UBR4: variants seen among roughly 807,000 people sequenced by gnomAD.
UBR4 encodes E3 ubiquitin-protein ligase UBR4.
In UBR4, 124 loss-of-function variants were observed where a neutral mutation model predicts 575.6. The observed-to-expected ratio is 0.22, with a 90% CI of 0.19 to 0.25. The LOEUF (loss-of-function observed/expected upper bound fraction) is 0.25, where lower values mean the gene tolerates loss of function less well. Ranked by LOEUF, UBR4 falls within the 10% of genes least tolerant of loss-of-function variation. UBR4 has a pLI of 1.00. For synonymous variants in UBR4, 2,455 were observed against 2,473.7 expected (o/e 0.99, Z 0.22); for missense variants, 4,818 against 6,478.8 (o/e 0.74, Z 8.80).
chr1:19,185,618 G>T lies in UBR4; in HGVS notation c.1751-332C>A, dbSNP rs1463678845. ...AGAGGGAGTCTCGCTCTGTCACCCA[G>T]GCTGGAGTGCAGTGGTGCAATATTG... On this transcript the variant is annotated intron_variant, in intron 14 of 105. Coordinates refer to ENST00000375254, the MANE Select transcript of UBR4 (RefSeq NM_020765.3). 1.2e-4 allele frequency among the ~76,000 whole-genome samples: 17 copies of T among 147,218 alleles called. No homozygotes were observed. The East Asian group carries it at 3.0e-3, about 26-fold the overall frequency.
rs771866858 is a variant in UBR4, at chr1:19,120,249, C to T, written c.10241G>A (p.Cys3414Tyr). 4 of 1,614,054 alleles carry T rather than the reference C, an allele frequency of 2.5e-6. No individual in the cohort carries two copies. ...DKETLIQFLRCFLLESNSSSV... is the reference protein window; with the variant it reads ...DKETLIQFLRYFLLESNSSSV... ...GGAAGAATTGGACTCTAACAGGAAA[C>T]AACGCAGGAACTGGATCAGGGTTTC... The change falls in exon 69 of 106, where the codon TGT (cysteine) becomes TAT (tyrosine). Residue 3414 changes from cysteine to tyrosine, a missense_variant. Physicochemically the swap from Cys to Tyr is radical, Grantham distance 194. Transcript: ENST00000375254.
intron 87 of UBR4, among the ~76,000 whole-genome samples, chr1:19,103,000 C>T (rs1165806814): frequency 6.6e-6 from 1 of 152,198 alleles, no homozygotes; most frequent in African/African-American, 2.4e-5. Flanking sequence ...TCCTGAGGCT[C>T]AGAACTGGGA....
chr1:19,162,191 T>G (rs535170917), intron 35 of UBR4, among the ~76,000 whole-genome samples: 3 of 152,326 alleles, frequency 2.0e-5, no homozygotes, highest in African/African-American at 7.2e-5. Flanking sequence ...AATTAAAGAC[T>G]GACAAAGCAG....
chr1:19,192,277 C>G lies in UBR4; in HGVS notation c.1305G>C (p.Glu435Asp), dbSNP rs2092145356. The G allele has an allele frequency of 1.2e-6, 2 of 1,614,058 alleles. No individual in the cohort carries two copies. Among genetic ancestry groups the G allele is most frequent in the Non-Finnish European group, 1.7e-6 (2 of 1,180,042 alleles). Reference protein sequence around the residue: ...SPTALADKGKEKDPLAALRVR... With the variant: ...SPTALADKGKDKDPLAALRVR... ...CTCGGAGGGCAGCCAGTGGGTCCTT[C>G]TCTTTCCCCTTATCAGCCAACGCAG... The change falls in exon 11 of 106, where the codon GAG (glutamate) becomes GAC (aspartate). Residue 435 changes from glutamate to aspartate, a missense_variant. Physicochemically the swap from Glu to Asp is conservative, Grantham distance 45. Transcript: ENST00000375254.
At chr1:19,205,109 A>G (rs973248723) in intron 1 of UBR4, among the ~76,000 whole-genome samples, 1 of 152,228 alleles carries the variant, frequency 6.6e-6, no homozygotes, top group African/African-American at 2.4e-5. Flanking sequence ...ATGAACTGCA[A>G]CAACAGCACC....
chr1:19,201,927 TCA>T, intron 1 of UBR4, 112 bp from the exon 2 acceptor site: 1 of 879,036 alleles, frequency 1.1e-6, no homozygotes, highest in Non-Finnish European at 1.7e-6. Context: ...GATAGTATCA[TCA>T]ACCTATTCCC....
chr1:19,115,019 T>C (rs1028343293), intron 74 of UBR4, 70 bp from the exon 75 acceptor site: 38 of 1,594,396 alleles, frequency 2.4e-5, no homozygotes, highest in Non-Finnish European at 2.5e-5. Context: ...TCTGAGGAAA[T>C]GGATTGTGCC....
chr1:19,183,707 G>A lies in UBR4; in HGVS notation c.2184+104C>T, dbSNP rs535334690. 3.8e-4 allele frequency: 454 copies of A among 1,203,168 alleles called. 7 individuals are homozygous for A. The South Asian group carries it at 5.8e-3, about 15-fold the overall frequency. 74.5% of individuals were successfully genotyped at this position (1,203,168 alleles called of 1,614,324 possible). On this transcript the variant is annotated intron_variant, in intron 17 of 105. Coordinates refer to ENST00000375254, the MANE Select transcript of UBR4 (RefSeq NM_020765.3). Reference sequence around the variant, plus strand: ...ACTGCACTCCAGCCTGGGTAACAGAGCAAGACTCCATCTCAAAAAAACAAA... The same window carrying A: ...ACTGCACTCCAGCCTGGGTAACAGAACAAGACTCCATCTCAAAAAAACAAA...
chr1:19,122,798 C>T, intron 66 of UBR4, 35 bp downstream of exon 66: 1 of 1,612,672 alleles, frequency 6.2e-7, no homozygotes, highest in Non-Finnish European at 8.5e-7. Flanking sequence ...TATCACATCC[C>T]CCCTCCCTGC....
At chr1:19,183,052 T>C (rs962889947) in intron 17 of UBR4, among the ~76,000 whole-genome samples, 2 of 152,294 alleles carry the variant, frequency 1.3e-5, no homozygotes, top group South Asian at 2.1e-4. Context: ...GTTTTGGTGG[T>C]GAGTTTGCAA....
At position 19,112,858 on chromosome 1, in the gene UBR4, CAA is replaced by C; in HGVS notation, c.11465_11466del (p.Phe3822CysfsTer10). The stretch of plus-strand genomic sequence containing the variant: ...TATTCCAACAACTCTTTGCGCGAAG[CAA>C]AGACTTTCTAAGAACAAAAAGGCAA... Reference protein sequence around the residue: ...DELSKIIQKVFASRKELLEYD... With the variant: ...DELSKIIQKVXASRKELLEYD... On this transcript the variant is annotated frameshift_variant, in exon 78 of 106. Coordinates refer to ENST00000375254, the MANE Select transcript of UBR4 (RefSeq NM_020765.3). LOFTEE classifies it high-confidence loss of function. The C allele has an allele frequency of 6.4e-7, 1 of 1,571,676 alleles. No individual in the cohort carries two copies. Among genetic ancestry groups the C allele is most frequent in the Non-Finnish European group, 8.7e-7 (1 of 1,154,426 alleles).
rs2082488974 is a variant in UBR4, at chr1:19,131,778, CA to C, written c.8907-2705del. ...ATCCTAGCTATTTGGGAGGCTGAGG[CA>C]GGAGAATCGCTTGAACCCGGGCGGC... On this transcript the variant is annotated intron_variant, in intron 60 of 105. Coordinates refer to ENST00000375254, the MANE Select transcript of UBR4 (RefSeq NM_020765.3). Among the ~76,000 whole-genome samples, 6 of 152,302 alleles carry C rather than the reference CA, an allele frequency of 3.9e-5. No homozygotes were observed. The South Asian group carries it at 1.2e-3, about 32-fold the overall frequency.
At chr1:19,198,975 T>G (rs760927131) in intron 3 of UBR4, 47 bp from the exon 4 acceptor site, 11 of 1,591,050 alleles carry the variant, frequency 6.9e-6, no homozygotes, top group Non-Finnish European at 8.6e-6. Flanking sequence ...AACAAATAGA[T>G]CTTTCAGAAA....
Position 19,173,934 on chromosome 1 carries a change from G to T in UBR4, c.2983-313C>A, listed in dbSNP as rs80344541. On this transcript the variant is annotated intron_variant, in intron 22 of 105. Coordinates refer to ENST00000375254, the MANE Select transcript of UBR4 (RefSeq NM_020765.3). ...AAAAGAGGGCAGGACATTCTGCTTA[G>T]CAGACCTGCAATCAGCTATCCGTTT... Among the ~76,000 whole-genome samples, 1,291 of 152,338 alleles carry T rather than the reference G, an allele frequency of 8.5e-3. 14 individuals carry two copies. Among genetic ancestry groups the T allele is most frequent in the African/African-American group, 0.03 (1,227 of 41,576 alleles).
chr1:19,085,157 T>C (rs1434565715), intron 101 of UBR4, among the ~76,000 whole-genome samples: 2 of 152,270 alleles, frequency 1.3e-5, no homozygotes, highest in Admixed American at 6.5e-5. Context: ...ATCTGGGCTG[T>C]GCCTCTTATT....
At chr1:19,155,401 T>C (rs1297770177) in intron 43 of UBR4, 40 bp downstream of exon 43, 11 of 1,567,216 alleles carry the variant, frequency 7.0e-6, no homozygotes, top group Non-Finnish European at 9.5e-6. Flanking sequence ...GCTAAATAAT[T>C]AAATCCGGAA....
Position 19,115,626 on chromosome 1 carries a change from C to A in UBR4, c.10835G>T (p.Trp3612Leu), listed in dbSNP as rs778723238. 3 of 1,614,158 alleles carry A rather than the reference C, an allele frequency of 1.9e-6. No individual in the cohort carries two copies. Among genetic ancestry groups the A allele is most frequent in the Non-Finnish European group, 2.5e-6 (3 of 1,180,004 alleles). ...CAGCTGAACCTTCTTGGCTTTGTGCCAGCGAGCTGGCCTAGGAAAGACAGA... is the reference window on the plus strand; with the variant it reads ...CAGCTGAACCTTCTTGGCTTTGTGCAAGCGAGCTGGCCTAGGAAAGACAGA... The part of the protein sequence containing the change: ...IVELKNKPAR[W>L]HKAKKVQLTP... Residue 3612 changes from tryptophan (W) to leucine (L), a missense_variant, in exon 74 of 106, where the codon TGG becomes TTG. By Grantham distance (61) the Trp-to-Leu change is moderately conservative. Coordinates refer to ENST00000375254, the MANE Select transcript of UBR4 (RefSeq NM_020765.3).
chr1:19,127,416 G>T (rs2081944033), intron 63 of UBR4, among the ~76,000 whole-genome samples: 1 of 152,178 alleles, frequency 6.6e-6, no homozygotes, highest in African/African-American at 2.4e-5. Flanking sequence ...CTCCATTGGA[G>T]GGATTGTTAC....
At chr1:19,156,738 G>C (rs754125709) in intron 41 of UBR4, 29 bp downstream of exon 41, 95 of 1,606,760 alleles carry the variant, frequency 5.9e-5, no homozygotes, top group Non-Finnish European at 7.8e-5. Context: ...CACAGCTCAA[G>C]GCAATCAAAC....
Sources: allele counts gnomAD v4.1 joint callset (sites outside exome capture counted in the v4.1 genomes callset), GRCh38; gene constraint gnomAD v4.1.1; transcripts MANE v1.5; gene names NCBI Gene and HGNC (gene_info 2026-07-23, HGNC 2026-07-21).